Variants in USP3 observed in about 807,000 individuals in gnomAD.
USP3 encodes the protein ubiquitin specific peptidase 3.
Under a neutral mutation model 72.3 loss-of-function variants are expected in USP3, and 20 were observed. The observed-to-expected ratio is 0.28, with a 90% CI of 0.19 to 0.40. USP3 has a LOEUF of 0.40. USP3 is among the 10% of genes least tolerant of loss of function. The pLI, the probability that USP3 is intolerant of heterozygous loss-of-function variation, is 1.00. For synonymous variants in USP3, 222 were observed against 225.3 expected, an observed-to-expected ratio of 0.99 and a Z score of 0.13; for missense variants, 479 against 633.9, an observed-to-expected ratio of 0.76 and a Z score of 2.62.
intron 3 of USP3, among the ~76,000 whole-genome samples, chr15:63,549,881 G>A (rs1241878483): frequency 6.6e-6 from 1 of 152,154 alleles, no homozygotes; most frequent in Non-Finnish European, 1.5e-5. Flanking sequence ...GTAAATCTTT[G>A]CAAAACTCTT....
intron 1 of USP3, among the ~76,000 whole-genome samples, chr15:63,508,996 C>T (rs527913711): frequency 3.9e-5 from 6 of 152,136 alleles, no homozygotes; most frequent in Middle Eastern, 3.4e-3. Flanking sequence ...TGGAGATAAA[C>T]CCTTTTTTAA....
At chr15:63,559,178 G>A (rs1050678614) in intron 6 of USP3, among the ~76,000 whole-genome samples, 1 of 152,050 alleles carries the variant, frequency 6.6e-6, no homozygotes, top group Non-Finnish European at 1.5e-5. Flanking sequence ...GGCATAAATG[G>A]GTTAATCAAG....
chr15:63,558,531 G>T (rs949658689), intron 6 of USP3, among the ~76,000 whole-genome samples: 1 of 151,952 alleles, frequency 6.6e-6, no homozygotes, highest in African/African-American at 2.4e-5. Context: ...AGTATTTCAG[G>T]CTACAGTCTC....
chr15:63,534,133 A>G (rs1467542295), intron 2 of USP3, among the ~76,000 whole-genome samples: 2 of 152,326 alleles, frequency 1.3e-5, no homozygotes, highest in East Asian at 3.8e-4. Flanking sequence ...GTCAATTGCA[A>G]ACAAGCTTAA....
At chr15:63,561,567 C>G (rs1349097805) in intron 7 of USP3, among the ~76,000 whole-genome samples, 6 of 152,206 alleles carry the variant, frequency 3.9e-5, no homozygotes, top group African/African-American at 7.2e-5. Context: ...CTTTGCCCCC[C>G]CTGCTACCAG....
At chr15:63,530,218 T>G (rs912510958) in intron 1 of USP3, among the ~76,000 whole-genome samples, 57 of 151,840 alleles carry the variant, frequency 3.8e-4, no homozygotes, top group African/African-American at 1.2e-3. Context: ...CCTATAAGAG[T>G]TTTTTTCTCC....
rs555937376 is a variant in USP3 at position 63,593,474 on chromosome 15, C to A, written c.*2648C>A. ...GGGCAGAGTTGATGGTGAAAAAAAG[C>A]TGTATTTTTATACCAAATGGAACTT... is the stretch of plus-strand genomic sequence containing the variant. On this transcript the variant is annotated 3_prime_UTR_variant, in exon 15 of 15. Coordinates refer to ENST00000380324, the MANE Select transcript of USP3 (RefSeq NM_006537.4). 1 of 152,330 alleles carries A rather than the reference C, an allele frequency of 6.6e-6. No individual in the cohort carries two copies. Among genetic ancestry groups the A allele is most frequent in the African/African-American group, 2.4e-5 (1 of 41,576 alleles). The allele number at this position is 152,330 out of a possible 1,614,324, so 9.4% of individuals were successfully genotyped here.
intron 11 of USP3, among the ~76,000 whole-genome samples, chr15:63,587,014 G>A (rs999535534): frequency 5.9e-5 from 9 of 152,060 alleles, no homozygotes; most frequent in East Asian, 5.8e-4. Context: ...CTACTGTCGC[G>A]GACACAAAGG....
In USP3 at chr15:63,574,318, T is replaced by C; in HGVS notation, c.1016-5T>C. ...GCTCTCTGTTTACCTCTCTCTCCTTTTAAGACCTTTCATTAGATATTCCAA... is the reference window on the plus strand; with the variant it reads ...GCTCTCTGTTTACCTCTCTCTCCTTCTAAGACCTTTCATTAGATATTCCAA... On this transcript the variant is annotated splice_region_variant and splice_polypyrimidine_tract_variant and intron_variant, in intron 10 of 14. Transcript: ENST00000380324. This position sits in a 1 kb window ranked among gnomAD's most constrained non-coding sequence, Gnocchi z 4.6. 6.3e-7 allele frequency: 1 copy of C among 1,584,638 alleles called. No homozygotes were observed. Among genetic ancestry groups the C allele is most frequent in the Non-Finnish European group, 8.6e-7 (1 of 1,168,680 alleles).
chr15:63,557,452 G>A (rs866238470), intron 5 of USP3, among the ~76,000 whole-genome samples: 31 of 152,208 alleles, frequency 2.0e-4, no homozygotes, highest in Non-Finnish European at 3.7e-4. Context: ...TAGTAGAGAC[G>A]GAGTTTCACC....
At chr15:63,563,368 A>C (rs1024210897) in intron 8 of USP3, among the ~76,000 whole-genome samples, 1 of 152,222 alleles carries the variant, frequency 6.6e-6, no homozygotes, top group Non-Finnish European at 1.5e-5. Context: ...CCAGCTAAAA[A>C]AATTAATAAG....
Position 63,570,028 on chromosome 15 carries a change from T to C in USP3, c.762-405T>C, listed in dbSNP as rs2066754396. Among the ~76,000 whole-genome samples, 2 of 152,176 alleles carry C rather than the reference T, an allele frequency of 1.3e-5. No individual in the cohort carries two copies. The highest frequency in any genetic ancestry group is 6.5e-5 in the Admixed American group (1 of 15,274). On this transcript the variant is annotated intron_variant, in intron 8 of 14. Transcript: ENST00000380324. This position sits in a 1 kb window ranked among gnomAD's most constrained non-coding sequence, Gnocchi z 4.4. ...GAGGGTAAGAGGTGAAGCTATGACA[T>C]TGGAGCATCTTCTAGAGAGGTTATG...
In USP3 at chr15:63,570,810, G is replaced by A. The variant is rs748746152; in HGVS notation, c.908+231G>A. Reference sequence around the variant, plus strand: ...GTTCTGACTGTGATTAATTGGTATAGATTATTTTAAATTTTGAAAAAATAG... The same window carrying A: ...GTTCTGACTGTGATTAATTGGTATAAATTATTTTAAATTTTGAAAAAATAG... On this transcript the variant is annotated intron_variant, in intron 9 of 14. Coordinates refer to ENST00000380324, the MANE Select transcript of USP3 (RefSeq NM_006537.4). The surrounding 1 kb of genome is among the most constrained non-coding windows in gnomAD (Gnocchi z 4.4). Among the ~76,000 whole-genome samples, 1 of 152,094 alleles carries A rather than the reference G, an allele frequency of 6.6e-6. No homozygotes were observed. Among genetic ancestry groups the A allele is most frequent in the Non-Finnish European group, 1.5e-5 (1 of 68,024 alleles).
At chr15:63,510,411 G>C (rs1190043225) in intron 1 of USP3, among the ~76,000 whole-genome samples, 2 of 152,000 alleles carry the variant, frequency 1.3e-5, no homozygotes, top group South Asian at 2.1e-4. Flanking sequence ...AAAACAAAAT[G>C]TTAGTCTCCT....
chr15:63,570,440 C>G lies in USP3; in HGVS notation c.769C>G (p.Gln257Glu). ...WKIMPNFRGY[Q>E]QQDAHEFMRY... The stretch of plus-strand genomic sequence containing the variant: ...ACTGTTTGTTTGCTTTAGGGGCTAT[C>G]AACAGCAGGACGCCCATGAATTCAT... Residue 257 changes from glutamine to glutamate, a missense_variant, in exon 9 of 15, where the codon CAA (glutamine) becomes GAA (glutamate). Gln to Glu is a conservative substitution (Grantham distance 29, BLOSUM62 2). Coordinates refer to ENST00000380324, the MANE Select transcript of USP3 (RefSeq NM_006537.4). The surrounding 1 kb of genome is among the most constrained non-coding windows in gnomAD (Gnocchi z 4.4). 6.2e-7 allele frequency: 1 copy of G among 1,614,176 alleles called. No homozygotes were observed. The highest frequency in any genetic ancestry group is 1.1e-5 in the South Asian group (1 of 91,084).
rs1395121804 is a variant in USP3, at chr15:63,592,374, T to G, written c.*1548T>G. The G allele has an allele frequency of 2.0e-5, 3 of 150,980 alleles. No homozygotes were observed. Among genetic ancestry groups the G allele is most frequent in the Non-Finnish European group, 4.4e-5 (3 of 67,776 alleles). The allele number at this position is 150,980 out of a possible 1,614,324, so 9.4% of individuals were successfully genotyped here. A position where few individuals can be genotyped will look rare whatever the true frequency, so the allele number is the denominator to read the frequency against. On this transcript the variant is annotated 3_prime_UTR_variant, in exon 15 of 15. Transcript: ENST00000380324. ...TTTTTTGGTTGGGGGCGGTGGGGGTTGGTAGACATAGCCTACCAATTCTCC... is the reference window on the plus strand; with the variant it reads ...TTTTTTGGTTGGGGGCGGTGGGGGTGGGTAGACATAGCCTACCAATTCTCC...
Position 63,588,548 on chromosome 15 carries a change from C to A in USP3, c.1215+125C>A. The A allele has an allele frequency of 1.0e-6, 1 of 966,574 alleles. No individual in the cohort carries two copies. The highest frequency in any genetic ancestry group is 1.6e-6 in the Non-Finnish European group (1 of 630,994). The allele number at this position is 966,574 out of a possible 1,614,324, so 59.9% of individuals were successfully genotyped here. ...TTTTCTCTAGGATTTTCAGTAAAAG[C>A]TAAACCCCTTACAGAATGAATGCAT... On this transcript the variant is annotated intron_variant, in intron 12 of 14. Coordinates refer to ENST00000380324, the MANE Select transcript of USP3 (RefSeq NM_006537.4). The surrounding 1 kb of genome is among the most constrained non-coding windows in gnomAD (Gnocchi z 4.6).
In USP3 at chr15:63,554,969, G is replaced by A. The variant is rs117208340; in HGVS notation, c.368+1171G>A. ...TGAAACTGTTCACAATAAACATGAAGTCTGAGATTCCTGAAGGAATGTATG... is the reference window on the plus strand; with the variant it reads ...TGAAACTGTTCACAATAAACATGAAATCTGAGATTCCTGAAGGAATGTATG... On this transcript the variant is annotated intron_variant, in intron 4 of 14. Coordinates refer to ENST00000380324, the MANE Select transcript of USP3 (RefSeq NM_006537.4). Among the ~76,000 whole-genome samples, 204 of 152,256 alleles carry A rather than the reference G, an allele frequency of 1.3e-3. 2 individuals carry two copies. The East Asian group carries it at 0.022, about 17-fold the overall frequency.
chr15:63,557,832 G>A (rs1388380957), intron 5 of USP3, among the ~76,000 whole-genome samples: 1 of 152,000 alleles, frequency 6.6e-6, no homozygotes, highest in African/African-American at 2.4e-5. Flanking sequence ...TTTGCATTGT[G>A]TACTCCATGG....
Sources: allele counts gnomAD v4.1 joint callset (sites outside exome capture counted in the v4.1 genomes callset), GRCh38; gene constraint gnomAD v4.1.1; non-coding constraint Gnocchi (gnomAD v3.1); transcripts MANE v1.5; gene names NCBI Gene and HGNC (gene_info 2026-07-23, HGNC 2026-07-21).